The following LIMCH1 variants were observed in gnomAD, a reference collection of about 807,000 sequenced individuals.
The protein encoded by LIMCH1 is LIM and calponin homology domains 1.
In LIMCH1, 113 loss-of-function variants were observed where a neutral mutation model predicts 176.5. That is an observed-to-expected ratio of 0.64 (90% CI 0.55 to 0.75). The LOEUF (loss-of-function observed/expected upper bound fraction) is 0.75. Ranked by LOEUF, LIMCH1 falls within the 30% of genes least tolerant of loss-of-function variation. The pLI, the probability that LIMCH1 is intolerant of heterozygous loss-of-function variation, is 0.00. For missense variants in LIMCH1, 1,674 were observed against 1,814.9 expected (o/e 0.92, Z 1.41); for synonymous variants, 619 against 645.9 (o/e 0.96, Z 0.63).
chr4:41,440,183 A>G (rs1483891458), intron 1 of LIMCH1, among the ~76,000 whole-genome samples: 1 of 152,224 alleles, frequency 6.6e-6, no homozygotes, highest in East Asian at 1.9e-4. Flanking sequence ...AACAAGTTTA[A>G]CAAAAATACT....
intron 1 of LIMCH1, among the ~76,000 whole-genome samples, chr4:41,481,592 G>A (rs1409688137): frequency 6.6e-6 from 1 of 152,160 alleles, no homozygotes; most frequent in African/African-American, 2.4e-5. Context: ...CCCTCAGGTG[G>A]CAACTGCAGT....
At chr4:41,673,713 G>A (rs1190831313) in intron 22 of LIMCH1, among the ~76,000 whole-genome samples, 1 of 152,132 alleles carries the variant, frequency 6.6e-6, no homozygotes, top group Admixed American at 6.5e-5. Context: ...AACATTTGTT[G>A]AGGGCCTAAA....
At chr4:41,574,353 G>A (rs2084099536) in intron 1 of LIMCH1, among the ~76,000 whole-genome samples, 1 of 146,820 alleles carries the variant, frequency 6.8e-6, no homozygotes, top group Non-Finnish European at 1.5e-5. Flanking sequence ...GAGTGCAGTG[G>A]CACAATCTCA....
chr4:41,423,902 T>C (rs888381219), intron 1 of LIMCH1, among the ~76,000 whole-genome samples: 1 of 152,020 alleles, frequency 6.6e-6, no homozygotes, highest in African/African-American at 2.4e-5. Context: ...TGAAGTAGCA[T>C]AGGGCATCTC....
intron 1 of LIMCH1, among the ~76,000 whole-genome samples, chr4:41,431,706 C>T (rs550710080): frequency 7.7e-4 from 118 of 152,296 alleles, no homozygotes; most frequent in Middle Eastern, 3.4e-3. Flanking sequence ...TCTCTACTCA[C>T]ATTTTCCCTC....
intron 2 of LIMCH1, among the ~76,000 whole-genome samples, chr4:41,514,005 T>TAAAAAAAAAAAAAAAAAAAAAAAAA (rs71198665): frequency 8.2e-5 from 4 of 48,514 alleles, no homozygotes; most frequent in Non-Finnish European, 7.9e-5. Flanking sequence ...GACTCCGTCT[T>TAAAAAAAAAAAAAAAAAAAAAAAAA]AAAAAAAAAA....
At chr4:41,575,175 T>A (rs943238665) in intron 1 of LIMCH1, among the ~76,000 whole-genome samples, 1 of 152,248 alleles carries the variant, frequency 6.6e-6, no homozygotes, top group Non-Finnish European at 1.5e-5. Context: ...TGTTACCATG[T>A]TAAGTATGAA....
At chr4:41,467,110 T>C (rs2066233008) in intron 1 of LIMCH1, among the ~76,000 whole-genome samples, 1 of 151,806 alleles carries the variant, frequency 6.6e-6, no homozygotes, top group African/African-American at 2.4e-5. Flanking sequence ...AATTGCCTTC[T>C]TTTTAAAAGC....
At chr4:41,388,470 C>T (rs1172434528) in intron 1 of LIMCH1, among the ~76,000 whole-genome samples, 2 of 152,214 alleles carry the variant, frequency 1.3e-5, no homozygotes, top group Admixed American at 6.5e-5. Flanking sequence ...GCCTGGGCTG[C>T]AGATGGGTGT....
At chr4:41,435,933 C>T (rs1026109078) in intron 1 of LIMCH1, among the ~76,000 whole-genome samples, 29 of 152,110 alleles carry the variant, frequency 1.9e-4, no homozygotes, top group African/African-American at 6.5e-4. Flanking sequence ...AAACAGTTGC[C>T]ACTACGTGAC....
intron 1 of LIMCH1, among the ~76,000 whole-genome samples, chr4:41,477,976 T>C (rs1227828003): frequency 6.6e-6 from 1 of 152,182 alleles, no homozygotes; most frequent in African/African-American, 2.4e-5. Flanking sequence ...TTCTGTAATA[T>C]TTGAACTAAA....
At chr4:41,405,518 G>T (rs1706613286) in intron 1 of LIMCH1, among the ~76,000 whole-genome samples, 1 of 152,058 alleles carries the variant, frequency 6.6e-6, no homozygotes, top group Admixed American at 6.6e-5. Context: ...TATTTCCATT[G>T]CATAGTCTGA....
intron 14 of LIMCH1, among the ~76,000 whole-genome samples, chr4:41,642,410 G>A (rs1443878900): frequency 1.3e-5 from 2 of 152,050 alleles, no homozygotes; most frequent in Non-Finnish European, 2.9e-5. Context: ...AAGTTTAAAA[G>A]CATGGGTTAG....
intron 7 of LIMCH1, among the ~76,000 whole-genome samples, chr4:41,623,563 G>T (rs934794050): frequency 2.6e-5 from 4 of 152,142 alleles, no homozygotes; most frequent in Non-Finnish European, 5.9e-5. Flanking sequence ...TTCAAGACCA[G>T]CCTGGCCAAC....
At chr4:41,553,548 G>A (rs941016052) in intron 1 of LIMCH1, among the ~76,000 whole-genome samples, 1 of 152,086 alleles carries the variant, frequency 6.6e-6, no homozygotes, top group African/African-American at 2.4e-5. Context: ...GGATGAGGAG[G>A]GCAGGGAGAT....
intron 21 of LIMCH1, among the ~76,000 whole-genome samples, chr4:41,670,141 T>C (rs1447346889): frequency 6.6e-6 from 1 of 152,224 alleles, no homozygotes; most frequent in Non-Finnish European, 1.5e-5. Flanking sequence ...TTCAGTAAAA[T>C]ATGTGCGCAT....
intron 2 of LIMCH1, among the ~76,000 whole-genome samples, chr4:41,505,949 C>T (rs1169332456): frequency 6.6e-6 from 1 of 151,624 alleles, no homozygotes; most frequent in Non-Finnish European, 1.5e-5. Context: ...CACACACACA[C>T]ACACACACAC....
intron 5 of LIMCH1, among the ~76,000 whole-genome samples, chr4:41,617,906 C>T (rs982477868): frequency 2.0e-5 from 3 of 152,158 alleles, no homozygotes; most frequent in Non-Finnish European, 2.9e-5. Context: ...AAGCACTGTA[C>T]CAATAGTTTC....
chr4:41,369,191 C>A (rs1017391879), intron 1 of LIMCH1, among the ~76,000 whole-genome samples: 4 of 152,190 alleles, frequency 2.6e-5, no homozygotes, highest in Non-Finnish European at 5.9e-5. Context: ...CCCCCTCCCC[C>A]ATCTTCCCAG....
Sources: allele counts gnomAD v4.1 joint callset (sites outside exome capture counted in the v4.1 genomes callset), GRCh38; gene constraint gnomAD v4.1.1; transcripts MANE v1.5; gene names NCBI Gene and HGNC (gene_info 2026-07-23, HGNC 2026-07-21).